The following ZNF385D variants were observed in gnomAD, a reference collection of about 807,000 sequenced individuals.
ZNF385D encodes zinc finger protein 659.
Under a neutral mutation model 35.8 loss-of-function variants are expected in ZNF385D, and 15 were observed. That is an observed-to-expected ratio of 0.42 (90% CI 0.28 to 0.64). The LOEUF is 0.64. Among genes scored for constraint, ZNF385D ranks in the 30% least tolerant of loss-of-function variants. The pLI, the probability that ZNF385D is intolerant of heterozygous loss-of-function variation, is 0.23. For synonymous variants in ZNF385D, 212 were observed against 186.8 expected (o/e 1.13, Z -1.10); for missense variants, 474 against 494.6 (o/e 0.96, Z 0.39).
chr3:21,515,946 AC>A (rs1383261751), intron 3 of ZNF385D, among the ~76,000 whole-genome samples: 1 of 152,182 alleles, frequency 6.6e-6, no homozygotes, highest in Non-Finnish European at 1.5e-5. Flanking sequence ...CTATTGTAGA[AC>A]CTAAAGTTGG....
intron 2 of ZNF385D, among the ~76,000 whole-genome samples, chr3:21,565,472 G>C (rs933190970): frequency 2.0e-5 from 3 of 152,068 alleles, no homozygotes; most frequent in African/African-American, 4.8e-5. Flanking sequence ...TCAAACTCTT[G>C]GGTTCAAGCA....
At chr3:21,988,770 C>A (rs1448489706) in intron 3 of ZNF385D, among the ~76,000 whole-genome samples, 1 of 151,830 alleles carries the variant, frequency 6.6e-6, no homozygotes, top group African/African-American at 2.4e-5. Context: ...CCCCCAGCCT[C>A]GCTGCCGCTT....
At chr3:22,217,068 A>G (rs772139033) in intron 2 of ZNF385D, among the ~76,000 whole-genome samples, 9 of 152,042 alleles carry the variant, frequency 5.9e-5, no homozygotes, top group Non-Finnish European at 1.0e-4. Flanking sequence ...TTACCTTAAC[A>G]TTTTGGCCTT....
At chr3:21,477,637 G>A (rs1704340265) in intron 4 of ZNF385D, among the ~76,000 whole-genome samples, 1 of 152,028 alleles carries the variant, frequency 6.6e-6, no homozygotes, top group African/African-American at 2.4e-5. Context: ...CTTGCTGGTG[G>A]ACCTCCATCC....
intron 4 of ZNF385D, among the ~76,000 whole-genome samples, chr3:21,485,437 C>T (rs1055078253): frequency 3.3e-5 from 5 of 152,132 alleles, no homozygotes; most frequent in Non-Finnish European, 7.3e-5. Context: ...GTGGCAAATG[C>T]CCATTAGGCA....
intron 2 of ZNF385D, among the ~76,000 whole-genome samples, chr3:21,663,915 A>ATATATATT (rs1159950305): frequency 1.4e-4 from 15 of 105,840 alleles, no homozygotes; most frequent in East Asian, 7.7e-4. Context: ...ATATATATAT[A>ATATATATT]TATTTATTTA....
intron 2 of ZNF385D, among the ~76,000 whole-genome samples, chr3:21,574,938 G>A (rs763047848): frequency 3.3e-5 from 5 of 151,652 alleles, no homozygotes; most frequent in Non-Finnish European, 5.9e-5. Context: ...GGAGATCTAG[G>A]GATAGGACTA....
chr3:22,112,850 A>G (rs1352522137), intron 3 of ZNF385D, among the ~76,000 whole-genome samples: 1 of 151,998 alleles, frequency 6.6e-6, no homozygotes, highest in African/African-American at 2.4e-5. Flanking sequence ...GGGGGGAAAA[A>G]AAACAGAAGC....
chr3:22,139,847 T>A (rs1255863830), intron 3 of ZNF385D, among the ~76,000 whole-genome samples: 4 of 152,146 alleles, frequency 2.6e-5, no homozygotes. Context: ...ATAAGGGACA[T>A]CATTCGTTAT....
At chr3:22,240,281 G>A (rs1182808679) in intron 2 of ZNF385D, among the ~76,000 whole-genome samples, 1 of 149,900 alleles carries the variant, frequency 6.7e-6, no homozygotes, top group African/African-American at 2.5e-5. Flanking sequence ...TCTACCTGCT[G>A]TGCTTTTACT....
At chr3:21,851,612 G>A (rs185789274) in intron 3 of ZNF385D, among the ~76,000 whole-genome samples, 19 of 152,026 alleles carry the variant, frequency 1.2e-4, no homozygotes. Flanking sequence ...ATATCTTGTG[G>A]TCATGACTCC....
intron 3 of ZNF385D, among the ~76,000 whole-genome samples, chr3:21,819,105 G>C (rs1435678865): frequency 6.6e-6 from 1 of 151,716 alleles, no homozygotes; most frequent in Non-Finnish European, 1.5e-5. Flanking sequence ...TTAATACTTG[G>C]TTATAAATAT....
At chr3:22,279,851 G>A (rs1701647499) in intron 2 of ZNF385D, among the ~76,000 whole-genome samples, 1 of 151,922 alleles carries the variant, frequency 6.6e-6, no homozygotes, top group Admixed American at 6.6e-5. Context: ...AGCTCTTTAA[G>A]GAATCTCCAC....
intron 1 of ZNF385D, among the ~76,000 whole-genome samples, chr3:21,699,962 G>T (rs1193779165): frequency 6.6e-6 from 1 of 151,164 alleles, no homozygotes; most frequent in African/African-American, 2.4e-5. Flanking sequence ...CTCCCAAGTA[G>T]CTGGGATTAC....
At chr3:21,779,409 G>A (rs2071409348) in intron 3 of ZNF385D, among the ~76,000 whole-genome samples, 1 of 151,420 alleles carries the variant, frequency 6.6e-6, no homozygotes, top group African/African-American at 2.4e-5. Context: ...AAAAATGTGA[G>A]GAAAAAAACA....
intron 2 of ZNF385D, among the ~76,000 whole-genome samples, chr3:21,607,953 A>C (rs2064532581): frequency 6.6e-6 from 1 of 150,448 alleles, no homozygotes; most frequent in Non-Finnish European, 1.5e-5. Context: ...TCAAATCTGA[A>C]TTTTATTGTG....
intron 3 of ZNF385D, among the ~76,000 whole-genome samples, chr3:22,097,345 T>C (rs13071921): frequency 0.11 from 16,348 of 152,056 alleles, 1,018 homozygotes; most frequent in Non-Finnish European, 0.15. Flanking sequence ...TGGAACTAGA[T>C]GGCAGGCTGA....
intron 3 of ZNF385D, among the ~76,000 whole-genome samples, chr3:21,960,132 AT>A (rs1702505051): frequency 6.6e-6 from 1 of 151,784 alleles, no homozygotes; most frequent in Non-Finnish European, 1.5e-5. Flanking sequence ...GGAAGAAAAT[AT>A]TTGCATTCTA....
At chr3:21,783,724 C>T (rs1189635101) in intron 3 of ZNF385D, among the ~76,000 whole-genome samples, 4 of 152,056 alleles carry the variant, frequency 2.6e-5, no homozygotes, top group Non-Finnish European at 5.9e-5. Flanking sequence ...CACAAAGGCA[C>T]CAGGTAAAAG....
Sources: gnomAD v4.1 joint callset for allele counts (sites outside exome capture counted in the v4.1 genomes callset) on GRCh38, gnomAD v4.1.1 for gene constraint, MANE v1.5 for transcripts, NCBI Gene and HGNC (gene_info 2026-07-23, HGNC 2026-07-21) for gene names.